The following ANKS1B variants were observed in gnomAD, a reference collection of about 807,000 sequenced individuals.
ANKS1B encodes ankyrin repeat and sterile alpha motif domain containing 1B, also known as ankyrin repeat and sterile alpha motif domain-containing protein 1B.
In ANKS1B, 36 loss-of-function variants were observed where a neutral mutation model predicts 148.3. That is an observed-to-expected ratio of 0.24 (90% CI 0.19 to 0.32). The LOEUF is 0.32. ANKS1B is among the 10% of genes least tolerant of loss of function. The probability of loss-of-function intolerance (pLI) is 1.00; values close to 1 mark genes in which losing one functional copy is unlikely to be tolerated. For missense variants in ANKS1B, 1,157 were observed against 1,542.6 expected, an observed-to-expected ratio of 0.75 and a Z score of 4.19; for synonymous variants, 542 against 560.8, an observed-to-expected ratio of 0.97 and a Z score of 0.47.
At chr12:99,491,313 A>G (rs1165614700) in intron 10 of ANKS1B, among the ~76,000 whole-genome samples, 1 of 152,180 alleles carries the variant, frequency 6.6e-6, no homozygotes, top group Non-Finnish European at 1.5e-5. Context: ...TCAGAAAAAA[A>G]AAAAAGCTTA....
chr12:99,331,754 A>C (rs1433935525), intron 12 of ANKS1B, among the ~76,000 whole-genome samples: 1 of 152,064 alleles, frequency 6.6e-6, no homozygotes. Context: ...TGGAATTTCC[A>C]GGGTTTGGGC....
intron 17 of ANKS1B, among the ~76,000 whole-genome samples, chr12:98,877,484 G>A (rs2099694343): frequency 6.6e-6 from 1 of 152,130 alleles, no homozygotes; most frequent in Non-Finnish European, 1.5e-5. Context: ...GAAAACTAAC[G>A]GCGGAAGAAA....
Position 99,010,651 on chromosome 12 carries a change from G to T in ANKS1B, c.2778+42506C>A, listed in dbSNP as rs1291153808. Among the ~76,000 whole-genome samples, 17 of 152,014 alleles carry T rather than the reference G, an allele frequency of 1.1e-4. No individual in the cohort carries two copies. In the South Asian group the frequency reaches 3.3e-3, roughly 30 times the overall value. On this transcript the variant is annotated intron_variant, in intron 17 of 26. Coordinates refer to ENST00000683438, the MANE Select transcript of ANKS1B (RefSeq NM_001352186.2). ...GCTAAAAAGTGGTAAAGTTATCTAT[G>T]ATATCCCACAATGTTACTTACACAG... is the stretch of plus-strand genomic sequence containing the variant.
intron 8 of ANKS1B, among the ~76,000 whole-genome samples, chr12:99,714,938 G>A (rs1413384732): frequency 6.7e-6 from 1 of 150,108 alleles, no homozygotes. Flanking sequence ...GGCCAACATA[G>A]TGAAATCCCA....
intron 17 of ANKS1B, among the ~76,000 whole-genome samples, chr12:99,015,652 G>A (rs2099942031): frequency 1.3e-5 from 2 of 152,110 alleles, no homozygotes; most frequent in South Asian, 4.1e-4. Flanking sequence ...GGATCAGGAG[G>A]TCAGGCGATC....
At chr12:99,563,400 C>T (rs1167589780) in intron 9 of ANKS1B, among the ~76,000 whole-genome samples, 1 of 152,124 alleles carries the variant, frequency 6.6e-6, no homozygotes, top group Non-Finnish European at 1.5e-5. Context: ...GAGCCCATTG[C>T]AGGGCTATTA....
chr12:99,791,018 T>A (rs2153644407), intron 4 of ANKS1B, among the ~76,000 whole-genome samples: 1 of 152,132 alleles, frequency 6.6e-6, no homozygotes, highest in Non-Finnish European at 1.5e-5. Flanking sequence ...AATGATCTGA[T>A]GCCTACAGGA....
chr12:99,830,191 AT>A (rs1473601764), intron 1 of ANKS1B, among the ~76,000 whole-genome samples: 2 of 152,236 alleles, frequency 1.3e-5, no homozygotes, highest in African/African-American at 4.8e-5. Flanking sequence ...ATAAGATATC[AT>A]CTCTTCCTCC....
chr12:99,454,280 T>G (rs985526858), intron 10 of ANKS1B, among the ~76,000 whole-genome samples: 2 of 152,230 alleles, frequency 1.3e-5, no homozygotes, highest in African/African-American at 4.8e-5. Flanking sequence ...TTTCTAAAAT[T>G]ACTTTCCTTG....
intron 8 of ANKS1B, among the ~76,000 whole-genome samples, chr12:99,714,478 C>T (rs2057039405): frequency 6.6e-6 from 1 of 152,172 alleles, no homozygotes; most frequent in Admixed American, 6.5e-5. Flanking sequence ...TTTCCAACAG[C>T]ATGTGCTCAC....
chr12:99,417,483 G>A (rs961188457), intron 11 of ANKS1B, among the ~76,000 whole-genome samples: 1 of 152,128 alleles, frequency 6.6e-6, no homozygotes, highest in Non-Finnish European at 1.5e-5. Context: ...TGGGTAGACT[G>A]ATTCCTCCCA....
chr12:98,832,144 A>G lies in ANKS1B; in HGVS notation c.2779-8T>C, dbSNP rs367712448. ...CAAATTGATTTTTAAAACCTGAAAC[A>G]ACATATATTTGGGTTAAATATTTCA... On this transcript the variant is annotated splice_region_variant and splice_polypyrimidine_tract_variant and intron_variant, in intron 17 of 26. Transcript: ENST00000683438. 1.1e-5 allele frequency: 17 copies of G among 1,554,178 alleles called. No homozygotes were observed. Among genetic ancestry groups the G allele is most frequent in the Middle Eastern group, 1.7e-4 (1 of 5,988 alleles).
Position 99,666,557 on chromosome 12 carries a change from C to A in ANKS1B, c.1129-11347G>T, listed in dbSNP as rs566252670. Among the ~76,000 whole-genome samples, 4 of 151,502 alleles carry A rather than the reference C, an allele frequency of 2.6e-5. No individual in the cohort carries two copies. In the East Asian group the frequency reaches 7.8e-4, roughly 29 times the overall value. On this transcript the variant is annotated intron_variant, in intron 8 of 26. Transcript: ENST00000683438. ...TTTGTAGGGGTGGTATATCTTTGCA[C>A]GTATTAGGTTTTCTTTAATTTCCAT...
At chr12:99,892,538 C>T (rs1022532179) in intron 1 of ANKS1B, among the ~76,000 whole-genome samples, 1 of 152,108 alleles carries the variant, frequency 6.6e-6, no homozygotes, top group African/African-American at 2.4e-5. Flanking sequence ...TGGAAAAAGC[C>T]AAGAAAACAA....
At chr12:99,062,519 A>G (rs1295616074) in intron 16 of ANKS1B, among the ~76,000 whole-genome samples, 2 of 152,150 alleles carry the variant, frequency 1.3e-5, no homozygotes, top group African/African-American at 2.4e-5. Context: ...GGGAAATAAG[A>G]GTGTCAAGGA....
At chr12:99,354,656 G>C (rs577069473) in intron 12 of ANKS1B, among the ~76,000 whole-genome samples, 1 of 152,130 alleles carries the variant, frequency 6.6e-6, no homozygotes, top group South Asian at 2.1e-4. Context: ...AAATGACTTT[G>C]AGTCTCGTAC....
In ANKS1B at chr12:99,760,744, C is replaced by G. The variant is rs1008591166; in HGVS notation, c.1128+12178G>C. ...GACCCAAAAATTCATACAAAAAAAT[C>G]TATAAAACCAAAAGTTGGCATGAAA... On this transcript the variant is annotated intron_variant, in intron 8 of 26. Coordinates refer to ENST00000683438, the MANE Select transcript of ANKS1B (RefSeq NM_001352186.2). 2.6e-5 allele frequency among the ~76,000 whole-genome samples: 4 copies of G among 151,096 alleles called. No individual in the cohort carries two copies. The Admixed American group carries it at 2.6e-4, about 10-fold the overall frequency.
Position 98,931,916 on chromosome 12 carries a change from G to T in ANKS1B, c.2779-99780C>A, listed in dbSNP as rs530967556. ...TTATACTTACTCAGAGCCTTCTCTG[G>T]ATTACTGGGAAGGAACACACCTGTG... On this transcript the variant is annotated intron_variant, in intron 17 of 26. Coordinates refer to ENST00000683438, the MANE Select transcript of ANKS1B (RefSeq NM_001352186.2). Among the ~76,000 whole-genome samples, 70 of 152,254 alleles carry T rather than the reference G, an allele frequency of 4.6e-4. 1 individual carries two copies. The highest frequency in any genetic ancestry group is 1.7e-3 in the Admixed American group (26 of 15,280).
At position 99,068,553 on chromosome 12, in the gene ANKS1B, G is replaced by T. The variant is rs577057680; in HGVS notation, c.2626-15244C>A. ...TAAGTGCCAGTTTTTATAAGTTCTA[G>T]AAAAAAATGCTAGAGTGGATTGGAA... On this transcript the variant is annotated intron_variant, in intron 16 of 26. Coordinates refer to ENST00000683438, the MANE Select transcript of ANKS1B (RefSeq NM_001352186.2). 2.6e-5 allele frequency among the ~76,000 whole-genome samples: 4 copies of T among 152,154 alleles called. No individual in the cohort carries two copies. The South Asian group carries it at 8.3e-4, about 32-fold the overall frequency.
Sources: gnomAD v4.1 joint callset for allele counts (sites outside exome capture counted in the v4.1 genomes callset) on GRCh38, gnomAD v4.1.1 for gene constraint, MANE v1.5 for transcripts, NCBI Gene and HGNC (gene_info 2026-07-23, HGNC 2026-07-21) for gene names.